Variants in CCDC88A observed in about 807,000 individuals in gnomAD.
CCDC88A encodes the protein coiled-coil and HOOK domain protein 88A.
In CCDC88A, 54 loss-of-function variants were observed where a neutral mutation model predicts 234.3. The observed-to-expected ratio is 0.23, with a 90% CI of 0.19 to 0.29. CCDC88A has a LOEUF of 0.29. CCDC88A is among the 10% of genes least tolerant of loss of function. The pLI is 1.00. For missense variants in CCDC88A, 1,832 were observed against 2,123.4 expected (o/e 0.86, Z 2.70); for synonymous variants, 753 against 737.8 (o/e 1.02, Z -0.33).
chr2:55,327,915 G>T lies in CCDC88A; in HGVS notation c.2997+379C>A, dbSNP rs117584494. On this transcript the variant is annotated intron_variant, in intron 17 of 32. Transcript: ENST00000436346. ...ACACATATGATTTTCCTCTAACTTGGTATACTCACACTCATATTTTGCTTA... is the reference window on the plus strand; with the variant it reads ...ACACATATGATTTTCCTCTAACTTGTTATACTCACACTCATATTTTGCTTA... 2.6e-4 allele frequency among the ~76,000 whole-genome samples: 39 copies of T among 152,238 alleles called. No individual in the cohort carries two copies. In the East Asian group the frequency reaches 7.1e-3, roughly 28 times the overall value.
At chr2:55,392,119 G>A (rs1053481392) in intron 2 of CCDC88A, among the ~76,000 whole-genome samples, 3 of 152,148 alleles carry the variant, frequency 2.0e-5, no homozygotes, top group Non-Finnish European at 2.9e-5. Context: ...CAGATGTTGT[G>A]TTCTTCTCAA....
intron 16 of CCDC88A, among the ~76,000 whole-genome samples, chr2:55,331,094 A>T (rs1684859724): frequency 6.6e-6 from 1 of 152,228 alleles, no homozygotes; most frequent in Non-Finnish European, 1.5e-5. Flanking sequence ...CTGGGTTCAT[A>T]AATTTATAAT....
intron 5 of CCDC88A, among the ~76,000 whole-genome samples, chr2:55,368,399 A>T (rs1314640274): frequency 6.6e-6 from 1 of 151,860 alleles, no homozygotes; most frequent in East Asian, 1.9e-4. Flanking sequence ...TTTTTTCTTC[A>T]AAAGAAGAAA....
chr2:55,338,808 C>G (rs1668105230), intron 13 of CCDC88A, among the ~76,000 whole-genome samples: 1 of 152,148 alleles, frequency 6.6e-6, no homozygotes, highest in Admixed American at 6.5e-5. Context: ...AAAACAAATG[C>G]AGTGGATTGA....
chr2:55,385,227 T>G (rs1675392908), intron 3 of CCDC88A, among the ~76,000 whole-genome samples: 1 of 151,952 alleles, frequency 6.6e-6, no homozygotes, highest in Non-Finnish European at 1.5e-5. Flanking sequence ...TAATCAGATA[T>G]GAAATCTAAA....
chr2:55,393,820 T>C (rs963898880), intron 2 of CCDC88A, among the ~76,000 whole-genome samples: 8 of 152,226 alleles, frequency 5.3e-5, no homozygotes, highest in African/African-American at 1.7e-4. Context: ...TGTTCTCTAA[T>C]AGAACTGCAT....
chr2:55,409,059 A>G (rs1218431253), intron 2 of CCDC88A, among the ~76,000 whole-genome samples: 1 of 152,172 alleles, frequency 6.6e-6, no homozygotes, highest in African/African-American at 2.4e-5. Context: ...TGGTTACTCA[A>G]CCATGCTATG....
At chr2:55,352,460 A>G (rs776855281) in intron 8 of CCDC88A, among the ~76,000 whole-genome samples, 6 of 151,702 alleles carry the variant, frequency 4.0e-5, no homozygotes, top group African/African-American at 1.5e-4. Flanking sequence ...ACAAAAAAAC[A>G]AGAAATTGGT....
At chr2:55,392,531 C>T (rs1676818131) in intron 2 of CCDC88A, among the ~76,000 whole-genome samples, 2 of 152,128 alleles carry the variant, frequency 1.3e-5, no homozygotes. Context: ...TCCAGGAAGG[C>T]CTTTTATTAG....
intron 31 of CCDC88A, chr2:55,293,575 C>T (rs1183054651): frequency 6.6e-6 from 1 of 151,170 alleles, no homozygotes; most frequent in Non-Finnish European, 1.5e-5. Flanking sequence ...ATATTCTCTA[C>T]AGATTTTTTC....
chr2:55,419,522 C>CGGGG lies in CCDC88A; in HGVS notation c.-444_-443insCCCC. 2.8e-5 allele frequency: 4 copies of CGGGG among 144,324 alleles called. No homozygotes were observed. Among genetic ancestry groups the CGGGG allele is most frequent in the South Asian group, 2.1e-4 (1 of 4,764 alleles). The allele number at this position is 144,324 out of a possible 1,614,324, so 8.9% of individuals were successfully genotyped here. A position where few individuals can be genotyped will look rare whatever the true frequency, so the allele number is the denominator to read the frequency against. ...GACCACGTTAAGGATACCGAGGCGCCACCAGACTCGACCTCGGCGTTCCGA... is the reference window on the plus strand; with the variant it reads ...GACCACGTTAAGGATACCGAGGCGCCGGGGACCAGACTCGACCTCGGCGTTCCGA... On this transcript the variant is annotated 5_prime_UTR_variant, in exon 1 of 33. Coordinates refer to ENST00000436346, the MANE Select transcript of CCDC88A (RefSeq NM_001365480.1).
intron 12 of CCDC88A, chr2:55,339,967 G>A (rs574778601): frequency 5.3e-6 from 1 of 189,964 alleles, no homozygotes; most frequent in East Asian, 1.3e-4. Flanking sequence ...AAGCGGCCGG[G>A]ACTGCAGGTA....
intron 31 of CCDC88A, among the ~76,000 whole-genome samples, chr2:55,293,090 T>C (rs1241668309): frequency 2.0e-5 from 3 of 152,180 alleles, no homozygotes; most frequent in Admixed American, 6.5e-5. Context: ...AAGTCTAATT[T>C]TGTAAAATAA....
rs1459083825 is a variant in CCDC88A, at chr2:55,328,989, C to T, written c.2856-554G>A. On this transcript the variant is annotated intron_variant, in intron 16 of 32. Coordinates refer to ENST00000436346, the MANE Select transcript of CCDC88A (RefSeq NM_001365480.1). This position sits in a 1 kb window ranked among gnomAD's most constrained non-coding sequence, Gnocchi z 4.3. ...TTCACCATGTTGATCAGGCTGGTCTCGAACTCCCGACCTCAGGTGATCCAC... is the reference window on the plus strand; with the variant it reads ...TTCACCATGTTGATCAGGCTGGTCTTGAACTCCCGACCTCAGGTGATCCAC... The T allele has an allele frequency of 6.6e-6, 1 of 152,218 alleles. No homozygotes were observed. Among genetic ancestry groups the T allele is most frequent in the African/African-American group, 2.4e-5 (1 of 41,380 alleles). The allele number at this position is 152,218 out of a possible 1,614,324, so 9.4% of individuals were successfully genotyped here. A position where few individuals can be genotyped will look rare whatever the true frequency, so the allele number is the denominator to read the frequency against.
At chr2:55,346,384 T>A (rs750916924) in intron 9 of CCDC88A, 51 bp from the exon 10 acceptor site, 33 of 1,014,360 alleles carry the variant, frequency 3.3e-5, no homozygotes, top group Non-Finnish European at 4.6e-5. Flanking sequence ...TATCAACTTG[T>A]TATTCTTTGT....
At chr2:55,355,954 C>T (rs1289979362) in intron 7 of CCDC88A, 1 of 375,982 alleles carries the variant, frequency 2.7e-6, no homozygotes, top group Non-Finnish European at 4.5e-6. Flanking sequence ...TGACACTTAA[C>T]AAGATAATAA....
intron 2 of CCDC88A, among the ~76,000 whole-genome samples, chr2:55,412,920 C>T (rs974223546): frequency 5.9e-5 from 9 of 152,104 alleles, no homozygotes; most frequent in African/African-American, 1.9e-4. Flanking sequence ...ACTAAGCTGT[C>T]GGCCAGGCGC....
Position 55,296,327 on chromosome 2 carries a change from A to G in CCDC88A, c.5022T>C (p.Gly1674=), listed in dbSNP as rs1434980731. The change falls in exon 30 of 33, where the codon GGT becomes GGC. Residue 1674 remains glycine (G), a synonymous_variant. Transcript: ENST00000436346. ...GAGTAACAACTTCACTTCCAGGGGA[A>G]CCAGTTTTGATCTTGTGATGTCGAC... ...LESRHHKIKT[G]SPGSEVVTLQ... The G allele has an allele frequency of 1.9e-6, 3 of 1,614,186 alleles. No homozygotes were observed. The East Asian group carries it at 6.7e-5, about 36-fold the overall frequency.
intron 2 of CCDC88A, chr2:55,418,177 G>A (rs937036953): frequency 6.6e-6 from 1 of 152,156 alleles, no homozygotes; most frequent in South Asian, 2.1e-4. Context: ...TTATCTAATT[G>A]TTATCAAGAC....
Sources: allele counts gnomAD v4.1 joint callset (sites outside exome capture counted in the v4.1 genomes callset), GRCh38; gene constraint gnomAD v4.1.1; non-coding constraint Gnocchi (gnomAD v3.1); transcripts MANE v1.5; gene names NCBI Gene and HGNC (gene_info 2026-07-23, HGNC 2026-07-21).